Variants in FBXO25 observed in about 807,000 individuals in gnomAD.
The protein encoded by FBXO25 is F-box protein 25.
In FBXO25, 45 loss-of-function variants were observed where a neutral mutation model predicts 51.9. The observed-to-expected ratio is 0.87, with a 90% CI of 0.68 to 1.11. The LOEUF (loss-of-function observed/expected upper bound fraction) is 1.11. Ranked by LOEUF, FBXO25 falls within the 50% of genes most tolerant of loss-of-function variation. The pLI is 0.00. For missense variants in FBXO25, 507 were observed against 428.5 expected, an observed-to-expected ratio of 1.18 and a Z score of -1.62; for synonymous variants, 199 against 151.0, an observed-to-expected ratio of 1.32 and a Z score of -2.33.
chr8:423,280 G>A (rs376965422), intron 2 of FBXO25, among the ~76,000 whole-genome samples: 5 of 152,146 alleles, frequency 3.3e-5, no homozygotes, highest in Non-Finnish European at 7.4e-5. Flanking sequence ...GAGTTGTCTG[G>A]TTATTTGTGC....
At chr8:438,410 C>T (rs1356751008) in intron 5 of FBXO25, among the ~76,000 whole-genome samples, 5 of 152,126 alleles carry the variant, frequency 3.3e-5, no homozygotes, top group Admixed American at 6.5e-5. Context: ...ATCTAAACAG[C>T]AATTTTAAAC....
In FBXO25 at chr8:451,412, C is replaced by G. The variant is rs1799082118; in HGVS notation, c.619C>G (p.Leu207Val). ...TTGGATTTGCCGATTAGAAACTATTCTCGCCTGGCAACAACAGCTACAGGA... is the reference window on the plus strand; with the variant it reads ...TTGGATTTGCCGATTAGAAACTATTGTCGCCTGGCAACAACAGCTACAGGA... Reference protein sequence around the residue: ...NIWICRLETILAWQQQLQDLQ... With the variant: ...NIWICRLETIVAWQQQLQDLQ... The change falls in exon 7 of 10, where the codon CTC (leucine) becomes GTC (valine). Residue 207 changes from leucine to valine, a missense_variant. Leu to Val is a conservative substitution (Grantham distance 32). Coordinates refer to ENST00000350302, the MANE Select transcript of FBXO25 (RefSeq NM_183420.2). 22 of 1,613,934 alleles carry G rather than the reference C, an allele frequency of 1.4e-5. No individual in the cohort carries two copies. Among genetic ancestry groups the G allele is most frequent in the Non-Finnish European group, 1.9e-5 (22 of 1,179,936 alleles).
rs754038972 is a variant in FBXO25, at chr8:472,203, C to G, written c.*3399C>G. 2 of 152,328 alleles carry G rather than the reference C, an allele frequency of 1.3e-5. No homozygotes were observed. The highest frequency in any genetic ancestry group is 1.5e-5 in the Non-Finnish European group (1 of 68,026). 9.4% of individuals were successfully genotyped at this position (152,328 alleles called of 1,614,324 possible). ...AACTATGATGTTAACCCTGGGTTTTCCATACATACCCTCTATTAGGTTGGG... is the reference window on the plus strand; with the variant it reads ...AACTATGATGTTAACCCTGGGTTTTGCATACATACCCTCTATTAGGTTGGG... On this transcript the variant is annotated 3_prime_UTR_variant, in exon 10 of 10. Transcript: ENST00000350302.
intron 5 of FBXO25, among the ~76,000 whole-genome samples, chr8:446,196 C>G (rs900559684): frequency 6.6e-6 from 1 of 152,074 alleles, no homozygotes; most frequent in Non-Finnish European, 1.5e-5. Context: ...ATAGTTTAGA[C>G]CTCGGGCTCC....
Position 476,009 on chromosome 8 carries a change from TG to T in FBXO25, c.*7208del, listed in dbSNP as rs1196487240. 1 of 152,172 alleles carries T rather than the reference TG, an allele frequency of 6.6e-6. No homozygotes were observed. Among genetic ancestry groups the T allele is most frequent in the East Asian group, 1.9e-4 (1 of 5,190 alleles). The allele number at this position is 152,172 out of a possible 1,614,324, so 9.4% of individuals were successfully genotyped here. ...GTCTTATTGAATATGATGTTTACAG[TG>T]GGATGTTCATATGGCCTCTATTTTA... On this transcript the variant is annotated 3_prime_UTR_variant, in exon 10 of 10. Coordinates refer to ENST00000350302, the MANE Select transcript of FBXO25 (RefSeq NM_183420.2).
At chr8:418,922 CT>C (rs1254415518) in intron 2 of FBXO25, among the ~76,000 whole-genome samples, 1 of 151,944 alleles carries the variant, frequency 6.6e-6, no homozygotes, top group African/African-American at 2.4e-5. Context: ...CTGTAAAAGG[CT>C]AAAACTGTAA....
intron 8 of FBXO25, among the ~76,000 whole-genome samples, chr8:459,320 G>T (rs1291062380): frequency 6.6e-6 from 1 of 152,228 alleles, no homozygotes; most frequent in Non-Finnish European, 1.5e-5. Flanking sequence ...GAGGAGCATA[G>T]CCTACCCTTG....
In FBXO25 at chr8:471,831, G is replaced by C. The variant is rs1288199496; in HGVS notation, c.*3027G>C. The C allele has an allele frequency of 6.6e-6, 1 of 152,340 alleles. No individual in the cohort carries two copies. The highest frequency in any genetic ancestry group is 1.5e-5 in the Non-Finnish European group (1 of 68,040). The allele number at this position is 152,340 out of a possible 1,614,324, so 9.4% of individuals were successfully genotyped here. On this transcript the variant is annotated 3_prime_UTR_variant, in exon 10 of 10. Transcript: ENST00000350302. ...GACGTACAGGCTCTCTGTATGCACT[G>C]TGTGTGCGTACTGTACAGGGCTGTA...
intron 2 of FBXO25, among the ~76,000 whole-genome samples, chr8:425,087 C>A (rs984890956): frequency 8.5e-5 from 13 of 152,188 alleles, no homozygotes; most frequent in Admixed American, 7.2e-4. Context: ...TGACCACACC[C>A]GGGTCAAGGA....
At chr8:430,818 A>G (rs567209133) in intron 2 of FBXO25, among the ~76,000 whole-genome samples, 25 of 152,344 alleles carry the variant, frequency 1.6e-4, no homozygotes, top group Non-Finnish European at 7.3e-5. Context: ...AAAAATATAC[A>G]TGTCACTTCA....
intron 4 of FBXO25, 97 bp downstream of exon 4, chr8:433,032 C>T (rs563291064): frequency 1.5e-6 from 2 of 1,327,536 alleles, no homozygotes; most frequent in Non-Finnish European, 2.0e-6. Context: ...GCATAAAACA[C>T]ATTTCTTTTG....
intron 2 of FBXO25, among the ~76,000 whole-genome samples, chr8:422,183 A>G (rs904287871): frequency 6.6e-5 from 10 of 152,214 alleles, no homozygotes; most frequent in African/African-American, 2.4e-4. Flanking sequence ...TACAAAGGGA[A>G]CAGTACTTTA....
Position 460,674 on chromosome 8 carries a change from C to T in FBXO25, c.843+2123C>T, listed in dbSNP as rs1045460641. Among the ~76,000 whole-genome samples, 3 of 152,228 alleles carry T rather than the reference C, an allele frequency of 2.0e-5. No homozygotes were observed. In the South Asian group the frequency reaches 6.2e-4, roughly 31 times the overall value. On this transcript the variant is annotated intron_variant, in intron 8 of 9. Coordinates refer to ENST00000350302, the MANE Select transcript of FBXO25 (RefSeq NM_183420.2). ...AGGAGGAAAACCATGGGAGGGGATTCTCCCGTGAACACTGGTGTCACACAC... is the reference window on the plus strand; with the variant it reads ...AGGAGGAAAACCATGGGAGGGGATTTTCCCGTGAACACTGGTGTCACACAC...
At chr8:408,193 C>T (rs1378479369) in intron 1 of FBXO25, among the ~76,000 whole-genome samples, 1 of 152,054 alleles carries the variant, frequency 6.6e-6, no homozygotes, top group African/African-American at 2.4e-5. Context: ...ATAAGCAAAA[C>T]AAATAGGGAA....
intron 2 of FBXO25, among the ~76,000 whole-genome samples, chr8:418,979 T>C (rs1017077653): frequency 6.6e-6 from 1 of 152,170 alleles, no homozygotes; most frequent in Non-Finnish European, 1.5e-5. Context: ...AGTAGGCAGA[T>C]TGCTTACCAC....
At chr8:416,900 G>T (rs34173561) in intron 2 of FBXO25, among the ~76,000 whole-genome samples, 15,956 of 152,258 alleles carry the variant, frequency 0.1, 944 homozygotes, top group South Asian at 0.17. Flanking sequence ...GTGATAGTAT[G>T]TGGGAGATAA....
chr8:458,247 C>T, intron 7 of FBXO25, 122 bp from the exon 8 acceptor site: 2 of 1,139,172 alleles, frequency 1.8e-6, no homozygotes, highest in Non-Finnish European at 2.5e-6. Flanking sequence ...CGACGCATGA[C>T]ATGGAGAGCT....
At chr8:433,279 T>C (rs188559729) in intron 4 of FBXO25, among the ~76,000 whole-genome samples, 28 of 147,428 alleles carry the variant, frequency 1.9e-4, no homozygotes, top group African/African-American at 7.6e-4. Flanking sequence ...TGTGGTGGCA[T>C]GTGGTATATG....
chr8:458,894 C>G (rs1799628971), intron 8 of FBXO25, among the ~76,000 whole-genome samples: 2 of 152,172 alleles, frequency 1.3e-5, no homozygotes, highest in South Asian at 4.1e-4. Flanking sequence ...TTCTTTTGAC[C>G]AAGCTGCACA....
Sources: allele counts gnomAD v4.1 joint callset (sites outside exome capture counted in the v4.1 genomes callset), GRCh38; gene constraint gnomAD v4.1.1; transcripts MANE v1.5; gene names NCBI Gene and HGNC (gene_info 2026-07-23, HGNC 2026-07-21).